Variants in USO1 observed in about 807,000 individuals in gnomAD.
USO1 encodes general vesicular transport factor p115.
USO1 carries 57 observed loss-of-function variants against 124.5 expected under a neutral mutation model. The ratio of observed to expected loss-of-function variants is 0.46; its 90% CI spans 0.37 to 0.57. The LOEUF (loss-of-function observed/expected upper bound fraction) is 0.57. Among genes scored for constraint, USO1 ranks in the 20% least tolerant of loss-of-function variants. USO1 has a pLI of 0.00. For synonymous variants in USO1, 369 were observed against 362.8 expected (o/e 1.02, Z -0.19); for missense variants, 900 against 1,040.6 (o/e 0.86, Z 1.86).
At chr4:75,782,286 C>T (rs1195056168) in intron 8 of USO1, among the ~76,000 whole-genome samples, 2 of 152,094 alleles carry the variant, frequency 1.3e-5, no homozygotes, top group East Asian at 1.9e-4. Flanking sequence ...TGTTCACAAG[C>T]GTTTGTGAAT....
chr4:75,738,324 G>A (rs113101223), intron 1 of USO1, among the ~76,000 whole-genome samples: 8 of 151,764 alleles, frequency 5.3e-5, no homozygotes, highest in Non-Finnish European at 1.2e-4. Flanking sequence ...GGGCATGGTG[G>A]CACATGCATG....
intron 1 of USO1, among the ~76,000 whole-genome samples, chr4:75,726,301 A>AAG (rs1491432909): frequency 5.4e-5 from 8 of 148,454 alleles, no homozygotes; most frequent in African/African-American, 1.5e-4. Flanking sequence ...AAAAAAAAAA[A>AAG]GGGGTGAAGT....
intron 1 of USO1, among the ~76,000 whole-genome samples, chr4:75,736,179 TG>T (rs1386595474): frequency 1.3e-5 from 2 of 152,150 alleles, no homozygotes; most frequent in Non-Finnish European, 2.9e-5. Flanking sequence ...ATTACTAGTT[TG>T]GCATAAATCC....
chr4:75,747,620 T>C (rs778112587), intron 1 of USO1, among the ~76,000 whole-genome samples: 7,805 of 141,126 alleles, frequency 0.055, 150 homozygotes, highest in South Asian at 0.091. Flanking sequence ...TTTTTTTTTT[T>C]TTTTTTTGAG....
At chr4:75,761,218 G>A (rs1319769724) in intron 4 of USO1, among the ~76,000 whole-genome samples, 3 of 152,134 alleles carry the variant, frequency 2.0e-5, no homozygotes, top group African/African-American at 7.2e-5. Flanking sequence ...AATTACTTGT[G>A]TGTATTTCCT....
At chr4:75,727,706 G>T (rs990407505) in intron 1 of USO1, among the ~76,000 whole-genome samples, 1 of 152,058 alleles carries the variant, frequency 6.6e-6, no homozygotes, top group Non-Finnish European at 1.5e-5. Flanking sequence ...TTATTTTGTA[G>T]TTTTTTCCAT....
chr4:75,805,617 G>C (rs984416404), intron 19 of USO1, among the ~76,000 whole-genome samples: 3 of 151,426 alleles, frequency 2.0e-5, no homozygotes, highest in African/African-American at 7.3e-5. Context: ...TGAGGCAGGA[G>C]AATCTCTTAA....
Position 75,787,197 on chromosome 4 carries a change from A to G in USO1, c.991A>G (p.Thr331Ala), listed in dbSNP as rs1382109578. ...TACTGGGGTTCCTGCTGATATCCTG[A>G]CTGAGGTAAAGCAAATGAAGTCAAA... ...MATGVPADIL[T>A]ETINTVSEVI... The change falls in exon 10 of 24, where the codon ACT becomes GCT. Residue 331 changes from threonine to alanine, a missense_variant. Physicochemically the swap from Thr to Ala is moderately conservative, Grantham distance 58 (BLOSUM62 0). Coordinates refer to ENST00000514213, the MANE Select transcript of USO1 (RefSeq NM_003715.4). 3.3e-6 allele frequency: 5 copies of G among 1,532,090 alleles called. No homozygotes were observed. The highest frequency in any genetic ancestry group is 4.4e-6 in the Non-Finnish European group (5 of 1,143,594). The allele number at this position is 1,532,090 out of a possible 1,614,324, so 94.9% of individuals were successfully genotyped here. A position where few individuals can be genotyped will look rare whatever the true frequency, so the allele number is the denominator to read the frequency against.
chr4:75,744,451 A>G (rs111372000), intron 1 of USO1, among the ~76,000 whole-genome samples: 2 of 151,882 alleles, frequency 1.3e-5, no homozygotes, highest in African/African-American at 4.8e-5. Flanking sequence ...ACGGAGTCTC[A>G]CTCTGTCGCC....
At chr4:75,755,491 C>G (rs781768991) in intron 3 of USO1, 1 of 519,890 alleles carries the variant, frequency 1.9e-6, no homozygotes, top group Non-Finnish European at 3.8e-6. Context: ...GCTAAAGATA[C>G]AAGCTTTTTA....
chr4:75,768,698 C>T (rs1721838323), intron 4 of USO1, among the ~76,000 whole-genome samples: 1 of 152,170 alleles, frequency 6.6e-6, no homozygotes, highest in African/African-American at 2.4e-5. Flanking sequence ...GACATTCTTG[C>T]CTCCTTCTGA....
chr4:75,725,233 G>C (rs1720383495), intron 1 of USO1, among the ~76,000 whole-genome samples: 1 of 152,158 alleles, frequency 6.6e-6, no homozygotes, highest in South Asian at 2.1e-4. Context: ...TCGGGGCCGT[G>C]GGCCCCTCCC....
chr4:75,769,472 G>A (rs1274196345), intron 4 of USO1, among the ~76,000 whole-genome samples: 1 of 152,116 alleles, frequency 6.6e-6, no homozygotes, highest in Non-Finnish European at 1.5e-5. Flanking sequence ...CCTGTCATCT[G>A]CTGGGTTTTT....
At chr4:75,728,268 A>G (rs780537123) in intron 1 of USO1, among the ~76,000 whole-genome samples, 10 of 150,896 alleles carry the variant, frequency 6.6e-5, no homozygotes, top group Non-Finnish European at 1.2e-4. Context: ...TGTGAGAGTT[A>G]TGTGATTGAT....
chr4:75,760,729 A>G (rs1312168496), intron 4 of USO1: 1 of 390,676 alleles, frequency 2.6e-6, no homozygotes, highest in East Asian at 3.6e-5. Context: ...GTTTTACTAT[A>G]TAAGAATTCT....
chr4:75,748,234 G>A (rs1266797229), intron 1 of USO1, among the ~76,000 whole-genome samples: 8 of 118,938 alleles, frequency 6.7e-5, no homozygotes, highest in Non-Finnish European at 1.2e-4. Flanking sequence ...TTTTTTACAG[G>A]CTGGAGTGCA....
At chr4:75,793,995 CAG>C in intron 13 of USO1, 94 bp downstream of exon 13, 1 of 1,519,826 alleles carries the variant, frequency 6.6e-7, no homozygotes, top group South Asian at 1.3e-5. Context: ...TGAAAAAGGA[CAG>C]AGAAGACTTA....
At chr4:75,738,657 T>G (rs1304490238) in intron 1 of USO1, among the ~76,000 whole-genome samples, 2 of 151,916 alleles carry the variant, frequency 1.3e-5, no homozygotes, top group East Asian at 3.9e-4. Context: ...TTTAAAAATT[T>G]TTAATGGAGA....
intron 4 of USO1, among the ~76,000 whole-genome samples, chr4:75,763,742 T>C (rs977766075): frequency 6.6e-6 from 1 of 152,196 alleles, no homozygotes; most frequent in African/African-American, 2.4e-5. Flanking sequence ...AACTATAGGC[T>C]ATAAAAAACT....
Sources: allele counts gnomAD v4.1 joint callset (sites outside exome capture counted in the v4.1 genomes callset), GRCh38; gene constraint gnomAD v4.1.1; transcripts MANE v1.5; gene names NCBI Gene and HGNC (gene_info 2026-07-23, HGNC 2026-07-21).